Variants in TRPM8 observed in about 807,000 individuals in gnomAD.
The protein encoded by TRPM8 is transient receptor potential cation channel subfamily M member 8.
TRPM8 carries 110 observed loss-of-function variants against 133.7 expected under a neutral mutation model. The ratio of observed to expected loss-of-function variants is 0.82; its 90% CI spans 0.70 to 0.96. The LOEUF (loss-of-function observed/expected upper bound fraction) is 0.96, where lower values mean the gene tolerates loss of function less well. Ranked by LOEUF, TRPM8 falls within the 40% of genes least tolerant of loss-of-function variation. The pLI is 0.00. For synonymous variants in TRPM8, 535 were observed against 532.3 expected, an observed-to-expected ratio of 1.01 and a Z score of -0.07; for missense variants, 1,291 against 1,379.5, an observed-to-expected ratio of 0.94 and a Z score of 1.02.
intron 14 of TRPM8, among the ~76,000 whole-genome samples, chr2:233,965,506 C>T (rs369308288): frequency 6.6e-6 from 1 of 152,142 alleles, no homozygotes; most frequent in African/African-American, 2.4e-5. Context: ...AATCCAGAAC[C>T]GATTACCTCT....
intron 16 of TRPM8, 75 bp downstream of exon 16, chr2:233,969,882 T>C (rs1301355164): frequency 1.1e-6 from 1 of 945,678 alleles, no homozygotes; most frequent in African/African-American, 1.6e-5. Context: ...ATGTGTGCTC[T>C]CATGTAAATG....
intron 21 of TRPM8, among the ~76,000 whole-genome samples, chr2:233,994,733 A>G (rs1481299749): frequency 3.3e-5 from 5 of 152,212 alleles, no homozygotes; most frequent in African/African-American, 1.2e-4. Flanking sequence ...TAATGTACTA[A>G]GGTGCAAGAA....
At position 233,980,241 on chromosome 2, in the gene TRPM8, G is replaced by A. The variant is rs201342749; in HGVS notation, c.2409G>A (p.Thr803=). The A allele has an allele frequency of 1.8e-5, 29 of 1,601,298 alleles. No homozygotes were observed. The highest frequency in any genetic ancestry group is 2.4e-5 in the Non-Finnish European group (28 of 1,176,156). Residue 803 remains threonine (T), a synonymous_variant, in exon 18 of 26, where the codon ACG becomes ACA. Coordinates refer to ENST00000324695, the MANE Select transcript of TRPM8 (RefSeq NM_024080.5). The stretch of plus-strand genomic sequence containing the variant: ...CTGACCTGTGGAATGTGATGGACAC[G>A]CTGGGGCTTTTTTACTTCATAGCAG... ...YFTDLWNVMD[T]LGLFYFIAGI...
chr2:233,973,370 T>G (rs1423398153), intron 17 of TRPM8, among the ~76,000 whole-genome samples: 2 of 152,170 alleles, frequency 1.3e-5, no homozygotes, highest in Non-Finnish European at 2.9e-5. Flanking sequence ...GGAGACTCTG[T>G]CCTAGCCTCT....
At chr2:233,963,504 G>T in intron 13 of TRPM8, 127 bp downstream of exon 13, 2 of 610,910 alleles carry the variant, frequency 3.3e-6, no homozygotes, top group East Asian at 5.8e-5. Context: ...GAGTTCAGAT[G>T]AACATGGTCT....
intron 19 of TRPM8, among the ~76,000 whole-genome samples, chr2:233,982,732 C>T (rs779891473): frequency 1.3e-5 from 2 of 152,192 alleles, no homozygotes; most frequent in African/African-American, 4.8e-5. Flanking sequence ...GGTACAGGGA[C>T]AGAGAGGTCC....
rs549827655 is a variant in TRPM8, at chr2:233,966,831, C to T, written c.2025+76C>T. 1.0e-4 allele frequency: 147 copies of T among 1,426,554 alleles called. No homozygotes were observed. The African/African-American group carries it at 1.7e-3, about 16-fold the overall frequency. 88.4% of individuals were successfully genotyped at this position (1,426,554 alleles called of 1,614,324 possible). ...GTCAGATGCTACTAGCAGCATTAAA[C>T]AATAGTAAAAACAAACCTTATTCTC... On this transcript the variant is annotated intron_variant, in intron 15 of 25. Coordinates refer to ENST00000324695, the MANE Select transcript of TRPM8 (RefSeq NM_024080.5).
chr2:233,934,922 G>A (rs1010298569), intron 3 of TRPM8, among the ~76,000 whole-genome samples: 2 of 152,164 alleles, frequency 1.3e-5, no homozygotes, highest in African/African-American at 4.8e-5. Flanking sequence ...GTGACCTCCT[G>A]CCACAGAGTG....
At chr2:234,006,808 G>A in intron 22 of TRPM8, 45 bp from the exon 23 acceptor site, 2 of 1,431,324 alleles carry the variant, frequency 1.4e-6, no homozygotes, top group Admixed American at 1.8e-5. Context: ...GGAAGCAAGG[G>A]GCAAATGAAA....
At chr2:233,969,947 G>T in intron 16 of TRPM8, 140 bp downstream of exon 16, 1 of 730,180 alleles carries the variant, frequency 1.4e-6, no homozygotes, top group Non-Finnish European at 2.3e-6. Flanking sequence ...ATTTGGTCTT[G>T]TTTCTCCCCT....
At chr2:233,969,997 G>T (rs1047506614) in intron 16 of TRPM8, 190 bp downstream of exon 16, 1 of 668,402 alleles carries the variant, frequency 1.5e-6, no homozygotes, top group East Asian at 2.7e-5. Flanking sequence ...TAGGGGTGGG[G>T]TTGTGTCTTT....
At chr2:233,953,862 A>T in intron 9 of TRPM8, 55 bp from the exon 10 acceptor site, 1 of 1,363,570 alleles carries the variant, frequency 7.3e-7, no homozygotes. Context: ...AAAGAAGTTT[A>T]TGCTCCTCAT....
intron 3 of TRPM8, among the ~76,000 whole-genome samples, chr2:233,936,025 G>A (rs1487783173): frequency 6.6e-6 from 1 of 152,134 alleles, no homozygotes; most frequent in South Asian, 2.1e-4. Context: ...CACCACAATA[G>A]CCTAAGTCAC....
intron 3 of TRPM8, among the ~76,000 whole-genome samples, chr2:233,936,630 GC>G (rs1273572899): frequency 6.6e-6 from 1 of 152,202 alleles, no homozygotes; most frequent in Non-Finnish European, 1.5e-5. Context: ...CTTCAGAATA[GC>G]CTTACTGGCT....
chr2:233,964,136 C>T (rs142901014), intron 13 of TRPM8, among the ~76,000 whole-genome samples: 2 of 152,268 alleles, frequency 1.3e-5, no homozygotes, highest in African/African-American at 4.8e-5. Flanking sequence ...GAGCAGTTTC[C>T]ATTTGCACGT....
rs1690936337 is a variant in TRPM8, at chr2:233,942,589, C to T, written c.540C>T (p.Leu180=). 1.9e-6 allele frequency: 3 copies of T among 1,614,064 alleles called. No homozygotes were observed. The highest frequency in any genetic ancestry group is 3.3e-5 in the Admixed American group (2 of 60,010). ...YIAQSKGAWI[L]TGGTHYGLMK... The stretch of plus-strand genomic sequence containing the variant: ...ATTTGTTGACAGGTGCTTGGATTCT[C>T]ACGGGAGGCACCCATTATGGCCTGA... The change falls in exon 6 of 26, where the codon CTC becomes CTT. Residue 180 remains leucine, a synonymous_variant. Coordinates refer to ENST00000324695, the MANE Select transcript of TRPM8 (RefSeq NM_024080.5).
At chr2:233,965,994 G>GCC (rs1379850469) in intron 14 of TRPM8, 1 of 152,212 alleles carries the variant, frequency 6.6e-6, no homozygotes, top group Admixed American at 6.5e-5. Flanking sequence ...GATTACAGGC[G>GCC]CATGCCACCA....
Position 234,016,400 on chromosome 2 carries a change from A to C in TRPM8, c.*43-899A>C, listed in dbSNP as rs114742940. 9.9e-3 allele frequency among the ~76,000 whole-genome samples: 1,501 copies of C among 152,320 alleles called. 24 individuals carry two copies. The highest frequency in any genetic ancestry group is 0.034 in the African/African-American group (1,402 of 41,560). The stretch of plus-strand genomic sequence containing the variant: ...ATGTTGTGTTTGTCATATCCTTAAG[A>C]ACATCACTGAAAATATAACTTTATA... On this transcript the variant is annotated intron_variant, in intron 25 of 25. Transcript: ENST00000324695.
At chr2:233,992,091 G>A (rs2125330166) in intron 21 of TRPM8, among the ~76,000 whole-genome samples, 1 of 152,206 alleles carries the variant, frequency 6.6e-6, no homozygotes, top group South Asian at 2.1e-4. Flanking sequence ...ACTTATGGTA[G>A]GGGGAAAAAA....
Sources: gnomAD v4.1 joint callset for allele counts (sites outside exome capture counted in the v4.1 genomes callset) on GRCh38, gnomAD v4.1.1 for gene constraint, MANE v1.5 for transcripts, NCBI Gene and HGNC (gene_info 2026-07-23, HGNC 2026-07-21) for gene names.